The following MAN2A1 variants were observed in gnomAD, a reference collection of about 807,000 sequenced individuals.
The protein encoded by MAN2A1 is alpha-mannosidase 2.
Under a neutral mutation model 142.6 loss-of-function variants are expected in MAN2A1, and 76 were observed. That is an observed-to-expected ratio of 0.53 (90% confidence interval 0.44 to 0.65). MAN2A1 has a LOEUF of 0.65. MAN2A1 is among the 30% of genes least tolerant of loss of function. The pLI is 0.00. For missense variants in MAN2A1, 1,311 were observed against 1,365.1 expected, an observed-to-expected ratio of 0.96 and a Z score of 0.62; for synonymous variants, 559 against 473.2, an observed-to-expected ratio of 1.18 and a Z score of -2.35.
At chr5:109,798,573 G>A (rs1582907939) in intron 12 of MAN2A1, among the ~76,000 whole-genome samples, 1 of 152,124 alleles carries the variant, frequency 6.6e-6, no homozygotes, top group Admixed American at 6.5e-5. Flanking sequence ...AAATTAGTTT[G>A]GACAATAAAT....
intron 8 of MAN2A1, among the ~76,000 whole-genome samples, chr5:109,779,651 T>C (rs554443384): frequency 2.6e-5 from 4 of 152,206 alleles, no homozygotes; most frequent in South Asian, 2.1e-4. Context: ...CTAAAACATA[T>C]TGAGTGCGTA....
intron 8 of MAN2A1, among the ~76,000 whole-genome samples, chr5:109,776,087 T>G (rs1745927068): frequency 6.6e-6 from 1 of 151,930 alleles, no homozygotes. Flanking sequence ...TTTTTTTCTT[T>G]TTAAATGTGT....
At chr5:109,775,591 A>G (rs927122626) in intron 8 of MAN2A1, among the ~76,000 whole-genome samples, 4 of 152,024 alleles carry the variant, frequency 2.6e-5, no homozygotes, top group African/African-American at 9.7e-5. Context: ...CTTCAACTCA[A>G]GACCACTCTT....
intron 17 of MAN2A1, among the ~76,000 whole-genome samples, chr5:109,843,631 A>G (rs1477757314): frequency 6.6e-6 from 1 of 152,216 alleles, no homozygotes; most frequent in Non-Finnish European, 1.5e-5. Flanking sequence ...ACATGTATAC[A>G]TATACATAGG....
intron 16 of MAN2A1, among the ~76,000 whole-genome samples, chr5:109,824,559 T>C (rs1254410757): frequency 1.3e-5 from 2 of 152,210 alleles, no homozygotes; most frequent in Non-Finnish European, 2.9e-5. Context: ...TTTACCATAT[T>C]ATCAACACTC....
Position 109,704,205 on chromosome 5 carries a change from C to T in MAN2A1, c.136-9315C>T, listed in dbSNP as rs143173483. 3.9e-5 allele frequency among the ~76,000 whole-genome samples: 6 copies of T among 152,340 alleles called. No homozygotes were observed. In the East Asian group the frequency reaches 1.2e-3, roughly 29 times the overall value. ...CTTGGAGTCCCAGCTTTTCCCTTCA[C>T]AGTCATTTGGCACTCTTACCTGCAT... On this transcript the variant is annotated intron_variant, in intron 1 of 21. Coordinates refer to ENST00000261483, the MANE Select transcript of MAN2A1 (RefSeq NM_002372.4).
chr5:109,731,591 T>C (rs2112587432), intron 4 of MAN2A1, among the ~76,000 whole-genome samples: 1 of 143,032 alleles, frequency 7.0e-6, no homozygotes, highest in South Asian at 2.3e-4. Context: ...AATTCCCACC[T>C]ATGAGTGAGA....
chr5:109,817,915 T>G (rs1173510092), intron 13 of MAN2A1, among the ~76,000 whole-genome samples: 1 of 152,116 alleles, frequency 6.6e-6, no homozygotes, highest in Admixed American at 6.5e-5. Context: ...AGATGCTTCT[T>G]TTGTGAGATA....
chr5:109,690,181 C>T lies in MAN2A1; in HGVS notation c.-237C>T, dbSNP rs989989242. 28 of 492,592 alleles carry T rather than the reference C, an allele frequency of 5.7e-5. No homozygotes were observed. Among genetic ancestry groups the T allele is most frequent in the African/African-American group, 4.9e-4 (25 of 50,646 alleles). The allele number at this position is 492,592 out of a possible 1,614,324, so 30.5% of individuals were successfully genotyped here. ...CCCCTTCCCAGTTGCCGGCGAGTCT[C>T]GCCTCGAGAGGGGCGCCCGACCCCG... is the stretch of plus-strand genomic sequence containing the variant. On this transcript the variant is annotated 5_prime_UTR_variant, in exon 1 of 22. Coordinates refer to ENST00000261483, the MANE Select transcript of MAN2A1 (RefSeq NM_002372.4).
rs1056577898 is a variant in MAN2A1 at position 109,713,780 on chromosome 5, G to T, written c.390+6G>T. ...GTCACAATTCAGATGTGCAGGTAAT[G>T]TATACATTCGTTAATAATCACTGGC... is the stretch of plus-strand genomic sequence containing the variant. On this transcript the variant is annotated splice_donor_region_variant and intron_variant, in intron 2 of 21. Transcript: ENST00000261483. 1.2e-5 allele frequency: 19 copies of T among 1,586,918 alleles called. No homozygotes were observed. Among genetic ancestry groups the T allele is most frequent in the Admixed American group, 8.9e-5 (5 of 56,028 alleles).
chr5:109,748,300 C>A (rs1485832468), intron 4 of MAN2A1, among the ~76,000 whole-genome samples: 1 of 151,744 alleles, frequency 6.6e-6, no homozygotes, highest in Non-Finnish European at 1.5e-5. Flanking sequence ...AAAGTGGCAT[C>A]TTAATGAAGT....
At chr5:109,841,350 G>T (rs1208847336) in intron 16 of MAN2A1, among the ~76,000 whole-genome samples, 1 of 152,058 alleles carries the variant, frequency 6.6e-6, no homozygotes, top group African/African-American at 2.4e-5. Flanking sequence ...TTATGCCTTT[G>T]CATCCTCATA....
chr5:109,758,687 T>C (rs1752757307), intron 5 of MAN2A1, among the ~76,000 whole-genome samples: 1 of 148,480 alleles, frequency 6.7e-6, no homozygotes, highest in Non-Finnish European at 1.5e-5. Flanking sequence ...GTTAATATTA[T>C]ATAGTTAATA....
intron 5 of MAN2A1, among the ~76,000 whole-genome samples, chr5:109,760,411 C>T (rs1752811129): frequency 6.6e-6 from 1 of 152,154 alleles, no homozygotes; most frequent in Non-Finnish European, 1.5e-5. Context: ...GGTTCCAAGT[C>T]TTTGCTACTG....
intron 12 of MAN2A1, among the ~76,000 whole-genome samples, chr5:109,808,702 ATTT>A (rs34026574): frequency 4.4e-5 from 5 of 114,452 alleles, no homozygotes; most frequent in Non-Finnish European, 5.4e-5. Context: ...CCTTACACTA[ATTT>A]TTTTTTTTTT....
intron 16 of MAN2A1, among the ~76,000 whole-genome samples, chr5:109,827,683 AAC>A (rs1580293932): frequency 6.6e-6 from 1 of 152,358 alleles, no homozygotes; most frequent in East Asian, 1.9e-4. Flanking sequence ...CTAATAAAAG[AAC>A]ACTCTGTTTT....
At chr5:109,693,839 T>C (rs1052288248) in intron 1 of MAN2A1, among the ~76,000 whole-genome samples, 3 of 152,202 alleles carry the variant, frequency 2.0e-5, no homozygotes, top group African/African-American at 4.8e-5. Context: ...AACTTGTGTG[T>C]ATATTTCAGG....
chr5:109,739,808 C>G (rs3756597), intron 4 of MAN2A1, among the ~76,000 whole-genome samples: 1 of 152,036 alleles, frequency 6.6e-6, no homozygotes. Context: ...GTCTCTCACC[C>G]AAGGAAGTCA....
intron 4 of MAN2A1, among the ~76,000 whole-genome samples, chr5:109,752,096 A>G (rs1387494260): frequency 6.6e-6 from 1 of 152,150 alleles, no homozygotes; most frequent in Non-Finnish European, 1.5e-5. Flanking sequence ...GACACCTGGA[A>G]TTAAAACTGT....
Sources: allele counts gnomAD v4.1 joint callset (sites outside exome capture counted in the v4.1 genomes callset), GRCh38; gene constraint gnomAD v4.1.1; transcripts MANE v1.5; gene names NCBI Gene and HGNC (gene_info 2026-07-23, HGNC 2026-07-21).